The following CDH23 variants were observed in gnomAD, a reference collection of about 807,000 sequenced individuals.
CDH23 encodes the protein cadherin related 23.
Under a neutral mutation model 317.1 loss-of-function variants are expected in CDH23, and 189 were observed. The observed-to-expected ratio is 0.60, with a 90% CI of 0.53 to 0.67. The LOEUF (loss-of-function observed/expected upper bound fraction) is 0.67, where lower values mean the gene tolerates loss of function less well. Ranked by LOEUF, CDH23 falls within the 30% of genes least tolerant of loss-of-function variation. The pLI, the probability that CDH23 is intolerant of heterozygous loss-of-function variation, is 0.00. For missense variants in CDH23, 4,401 were observed against 4,592.4 expected, an observed-to-expected ratio of 0.96 and a Z score of 1.20; for synonymous variants, 1,839 against 1,876.8, an observed-to-expected ratio of 0.98 and a Z score of 0.52.
At chr10:71,811,835 G>A in intron 65 of CDH23, 82 bp downstream of exon 65, 7 of 1,576,152 alleles carry the variant, frequency 4.4e-6, no homozygotes, top group Non-Finnish European at 6.0e-6. Context: ...CACAAGCCTG[G>A]CTCAGGCCCT....
rs368592096 is a variant in CDH23, at chr10:71,552,553, G to A, written c.430-14189G>A. 5.3e-5 allele frequency among the ~76,000 whole-genome samples: 8 copies of A among 152,210 alleles called. No individual in the cohort carries two copies. In the South Asian group the frequency reaches 6.2e-4, roughly 12 times the overall value. On this transcript the variant is annotated intron_variant, in intron 6 of 69. Coordinates refer to ENST00000224721, the MANE Select transcript of CDH23 (RefSeq NM_022124.6). ...AAAAACAGGAAAGGGAGGGAGAAAT[G>A]CTTTCATTGATTTTTGCTTCAGAAC...
rs1300965207 is a variant in CDH23, at chr10:71,798,843, A to C, written c.7054+265A>C. 2.0e-5 allele frequency among the ~76,000 whole-genome samples: 3 copies of C among 152,196 alleles called. No individual in the cohort carries two copies. In the South Asian group the frequency reaches 6.2e-4, roughly 32 times the overall value. ...CTCCTACTATTAGTACCACCGAGGG[A>C]GCAGGAAGGCCAAGAAGGAGGTGTC... On this transcript the variant is annotated intron_variant, in intron 50 of 69. Coordinates refer to ENST00000224721, the MANE Select transcript of CDH23 (RefSeq NM_022124.6).
intron 6 of CDH23, among the ~76,000 whole-genome samples, chr10:71,539,960 G>A (rs1021611410): frequency 1.3e-4 from 20 of 152,142 alleles, no homozygotes; most frequent in African/African-American, 1.7e-4. Flanking sequence ...CTGGTGTAGC[G>A]CCTGGCAGGG....
chr10:71,471,174 C>G (rs1487574011), intron 3 of CDH23, among the ~76,000 whole-genome samples: 4 of 152,216 alleles, frequency 2.6e-5, no homozygotes, highest in African/African-American at 9.6e-5. Flanking sequence ...CTCGCCCACT[C>G]TTGACCGCAG....
chr10:71,728,930 A>G (rs1866934899), intron 30 of CDH23, among the ~76,000 whole-genome samples: 1 of 152,020 alleles, frequency 6.6e-6, no homozygotes, highest in Admixed American at 6.6e-5. Flanking sequence ...TCCTGGGCTC[A>G]AGCGATCCTC....
intron 6 of CDH23, among the ~76,000 whole-genome samples, chr10:71,563,580 C>T (rs1435997867): frequency 6.6e-6 from 1 of 152,144 alleles, no homozygotes; most frequent in Non-Finnish European, 1.5e-5. Flanking sequence ...ATACTTCCCC[C>T]TTTATGTGGG....
At chr10:71,661,813 C>T (rs1303004867) in intron 14 of CDH23, among the ~76,000 whole-genome samples, 1 of 75,508 alleles carries the variant, frequency 1.3e-5, no homozygotes. Context: ...CCACCCTGCA[C>T]GCCCCCTCCC....
At chr10:71,746,764 T>A (rs928194523) in intron 38 of CDH23, among the ~76,000 whole-genome samples, 1 of 152,096 alleles carries the variant, frequency 6.6e-6, no homozygotes, top group African/African-American at 2.4e-5. Flanking sequence ...ATACTACTAT[T>A]CCAGATAAGA....
In CDH23 at chr10:71,807,640, G is replaced by A. The variant is rs757053706; in HGVS notation, c.8433G>A (p.Trp2811Ter). 6.2e-7 allele frequency: 1 copy of A among 1,613,968 alleles called. No homozygotes were observed. Among genetic ancestry groups the A allele is most frequent in the Admixed American group, 1.7e-5 (1 of 60,018 alleles). The change falls in exon 59 of 70, where the codon TGG becomes TGA. Residue 2811 changes from tryptophan (W) to a stop codon, truncating the protein, a stop_gained. Coordinates refer to ENST00000224721, the MANE Select transcript of CDH23 (RefSeq NM_022124.6). LOFTEE classifies it high-confidence loss of function. The part of the protein sequence containing the change: ...FIVKASSNRS[W>*]TPPRGPSPTL... Reference sequence around the variant, plus strand: ...TCAAGGCCTCCAGCAATCGCAGCTGGACACCTCCCCGTGGACCCTCCCCAA... The same window carrying A: ...TCAAGGCCTCCAGCAATCGCAGCTGAACACCTCCCCGTGGACCCTCCCCAA...
intron 31 of CDH23, among the ~76,000 whole-genome samples, chr10:71,731,204 C>T: frequency 6.6e-6 from 1 of 152,240 alleles, no homozygotes; most frequent in East Asian, 1.9e-4. Flanking sequence ...GGCCTGTACC[C>T]CAGTCAGGGA....
intron 55 of CDH23, 49 bp from the exon 56 acceptor site, chr10:71,805,757 T>C (rs1296266403): frequency 6.6e-7 from 1 of 1,504,268 alleles, no homozygotes; most frequent in African/African-American, 1.4e-5. Context: ...ACCTAGGAGC[T>C]GAGATTCTTT....
intron 3 of CDH23, among the ~76,000 whole-genome samples, chr10:71,491,029 A>G (rs1016001065): frequency 6.6e-6 from 1 of 152,154 alleles, no homozygotes. Flanking sequence ...AAAATAAAAT[A>G]AAAAGAGGGG....
intron 11 of CDH23, among the ~76,000 whole-genome samples, chr10:71,628,974 C>T (rs1333100335): frequency 1.3e-5 from 2 of 152,282 alleles, no homozygotes; most frequent in East Asian, 3.9e-4. Flanking sequence ...TAGGGAAGGT[C>T]ACAGAGCGTG....
At chr10:71,637,948 C>A (rs1405004038) in intron 11 of CDH23, among the ~76,000 whole-genome samples, 1 of 151,024 alleles carries the variant, frequency 6.6e-6, no homozygotes, top group East Asian at 2.0e-4. Flanking sequence ...GGAATTAAGA[C>A]CTCCTCCAAG....
At chr10:71,670,818 G>T (rs541933466) in intron 14 of CDH23, among the ~76,000 whole-genome samples, 1 of 152,178 alleles carries the variant, frequency 6.6e-6, no homozygotes, top group Non-Finnish European at 1.5e-5. Context: ...GCCTTCACAA[G>T]TAGTAAAATG....
chr10:71,483,321 C>A (rs1474810527), intron 3 of CDH23, among the ~76,000 whole-genome samples: 1 of 152,188 alleles, frequency 6.6e-6, no homozygotes, highest in Admixed American at 6.5e-5. Flanking sequence ...GAGGGTTGAA[C>A]TTTTTGGGGA....
At chr10:71,630,247 C>G (rs1861938321) in intron 11 of CDH23, among the ~76,000 whole-genome samples, 1 of 152,144 alleles carries the variant, frequency 6.6e-6, no homozygotes, top group Non-Finnish European at 1.5e-5. Context: ...GTCTCAAACC[C>G]CTGGCCTCAT....
At chr10:71,448,165 G>A (rs1427378056) in intron 3 of CDH23, among the ~76,000 whole-genome samples, 1 of 152,194 alleles carries the variant, frequency 6.6e-6, no homozygotes, top group Non-Finnish European at 1.5e-5. Context: ...CTGAGCGTGG[G>A]GTCCTCAGAG....
chr10:71,703,687 C>G (rs1865674572), intron 24 of CDH23, among the ~76,000 whole-genome samples: 3 of 152,208 alleles, frequency 2.0e-5, no homozygotes, highest in Non-Finnish European at 4.4e-5. Context: ...CACAGGCCCG[C>G]TGTGCCTCAG....
Sources: allele counts gnomAD v4.1 joint callset (sites outside exome capture counted in the v4.1 genomes callset), GRCh38; gene constraint gnomAD v4.1.1; transcripts MANE v1.5; gene names NCBI Gene and HGNC (gene_info 2026-07-23, HGNC 2026-07-21).